RTN1: variants seen among roughly 807,000 people sequenced by gnomAD.
RTN1 encodes reticulon-1.
A neutral mutation model predicts 65.5 loss-of-function variants in RTN1; 25 were observed. That is an observed-to-expected ratio of 0.38 (90% CI 0.28 to 0.53). The LOEUF is 0.53. Among genes scored for constraint, RTN1 ranks in the 20% least tolerant of loss-of-function variants. The pLI is 0.79. For synonymous variants in RTN1, 471 were observed against 447.6 expected (o/e 1.05, Z -0.66); for missense variants, 983 against 1,025.4 (o/e 0.96, Z 0.57).
Position 59,749,162 on chromosome 14 carries a change from ATC to A in RTN1, c.242-2683_242-2682del, listed in dbSNP as rs1285928110. Among the ~76,000 whole-genome samples the A allele has an allele frequency of 3.2e-4, 30 of 94,310 alleles. 5 individuals are homozygous for A. Among genetic ancestry groups the A allele is most frequent in the African/African-American group, 1.1e-3 (21 of 18,366 alleles). 61.9% of individuals were successfully genotyped at this position (94,310 alleles called of 152,430 possible). A position where few individuals can be genotyped will look rare whatever the true frequency, so the allele number is the denominator to read the frequency against. ...TCTATCTATCTATCTATCTATATCT[ATC>A]TATATATCTATCTATATATCTATCT... On this transcript the variant is annotated intron_variant, in intron 1 of 8. Transcript: ENST00000267484.
At chr14:59,748,210 G>GTTTGT (rs1555358550) in intron 1 of RTN1, among the ~76,000 whole-genome samples, 2 of 125,988 alleles carry the variant, frequency 1.6e-5, no homozygotes, top group Admixed American at 8.6e-5. Flanking sequence ...AGTCTGTGAG[G>GTTTGT]TTTTTTTTTT....
intron 2 of RTN1, among the ~76,000 whole-genome samples, chr14:59,736,472 C>G (rs1885004609): frequency 2.0e-5 from 3 of 152,020 alleles, no homozygotes; most frequent in Admixed American, 1.3e-4. Flanking sequence ...AAGACTCAAC[C>G]AGGAAGAAAC....
At chr14:59,715,801 G>A (rs1320465624) in intron 3 of RTN1, among the ~76,000 whole-genome samples, 1 of 150,414 alleles carries the variant, frequency 6.6e-6, no homozygotes, top group Non-Finnish European at 1.5e-5. Flanking sequence ...ACTCCAGCCT[G>A]GGCAACAGAG....
intron 3 of RTN1, among the ~76,000 whole-genome samples, chr14:59,715,778 A>G (rs527567860): frequency 1.3e-5 from 2 of 151,854 alleles, no homozygotes; most frequent in African/African-American, 4.8e-5. Flanking sequence ...GTGAGCCGAC[A>G]TCGCACCACT....
chr14:59,857,101 T>G (rs1887622111), intron 1 of RTN1, among the ~76,000 whole-genome samples: 1 of 152,204 alleles, frequency 6.6e-6, no homozygotes, highest in Non-Finnish European at 1.5e-5. Context: ...TAGGAGTACC[T>G]GTATTTACCA....
intron 3 of RTN1, among the ~76,000 whole-genome samples, chr14:59,695,101 A>C (rs1355329038): frequency 6.6e-6 from 1 of 152,146 alleles, no homozygotes; most frequent in Non-Finnish European, 1.5e-5. Flanking sequence ...GGGTGGAGAA[A>C]GGTTCCCAGA....
chr14:59,795,324 A>G (rs2139593794), intron 1 of RTN1, among the ~76,000 whole-genome samples: 1 of 152,320 alleles, frequency 6.6e-6, no homozygotes, highest in Admixed American at 6.5e-5. Context: ...TTTTTTAACA[A>G]TTTCAAAATA....
intron 1 of RTN1, among the ~76,000 whole-genome samples, chr14:59,867,299 A>C (rs1594773471): frequency 6.6e-6 from 1 of 152,236 alleles, no homozygotes; most frequent in East Asian, 1.9e-4. Context: ...TGCTCTTAAC[A>C]TTCTTTGTAT....
intron 1 of RTN1, among the ~76,000 whole-genome samples, chr14:59,769,998 C>T (rs1363763799): frequency 6.6e-6 from 1 of 152,172 alleles, no homozygotes; most frequent in African/African-American, 2.4e-5. Flanking sequence ...GGAAGTCTGA[C>T]TCTGAAGAAA....
At chr14:59,832,142 C>T (rs1887135406) in intron 1 of RTN1, among the ~76,000 whole-genome samples, 1 of 151,880 alleles carries the variant, frequency 6.6e-6, no homozygotes, top group African/African-American at 2.4e-5. Context: ...GGATATGGAC[C>T]AAAAAAATGA....
intron 2 of RTN1, among the ~76,000 whole-genome samples, chr14:59,735,311 A>G (rs187290228): frequency 2.6e-5 from 4 of 152,364 alleles, no homozygotes; most frequent in Non-Finnish European, 4.4e-5. Flanking sequence ...CAGTGACACT[A>G]TGAAGCAACC....
At chr14:59,760,661 T>G (rs1885729919) in intron 1 of RTN1, among the ~76,000 whole-genome samples, 1 of 152,244 alleles carries the variant, frequency 6.6e-6, no homozygotes. Flanking sequence ...TTCTCATCTT[T>G]CAGGTTAGAA....
intron 8 of RTN1, among the ~76,000 whole-genome samples, chr14:59,602,459 A>G (rs1048091970): frequency 1.3e-5 from 2 of 152,156 alleles, no homozygotes; most frequent in Admixed American, 1.3e-4. Context: ...AGCTATGGGT[A>G]TGTAAAACTG....
rs1189735390 is a variant in RTN1 at position 59,849,037 on chromosome 14, C to A, written c.241+21353G>T. On this transcript the variant is annotated intron_variant, in intron 1 of 8. Coordinates refer to ENST00000267484, the MANE Select transcript of RTN1 (RefSeq NM_021136.3). The surrounding 1 kb of genome is among the most constrained non-coding windows in gnomAD (Gnocchi z 4.5). Reference sequence around the variant, plus strand: ...TTGAACCCCAATATCTCATCCCCCTCATCAACTTAGCAGGAAGTTGCTGGA... The same window carrying A: ...TTGAACCCCAATATCTCATCCCCCTAATCAACTTAGCAGGAAGTTGCTGGA... Among the ~76,000 whole-genome samples, 2 of 152,150 alleles carry A rather than the reference C, an allele frequency of 1.3e-5. No individual in the cohort carries two copies. The highest frequency in any genetic ancestry group is 2.9e-5 in the Non-Finnish European group (2 of 68,036).
intron 3 of RTN1, among the ~76,000 whole-genome samples, chr14:59,633,946 C>T (rs1489521455): frequency 6.6e-6 from 1 of 152,168 alleles, no homozygotes; most frequent in African/African-American, 2.4e-5. Context: ...ATTTATTCAA[C>T]AAATATTTAT....
chr14:59,834,729 T>C (rs746410458), intron 1 of RTN1, among the ~76,000 whole-genome samples: 71 of 152,138 alleles, frequency 4.7e-4, no homozygotes, highest in Non-Finnish European at 8.7e-4. Context: ...ATTTGTTGCA[T>C]AGAAAAAGCA....
chr14:59,834,069 G>C (rs1301007314), intron 1 of RTN1, among the ~76,000 whole-genome samples: 4 of 151,872 alleles, frequency 2.6e-5, no homozygotes, highest in Non-Finnish European at 5.9e-5. Context: ...GAACATAAAT[G>C]GACAACTGAT....
At chr14:59,720,232 A>T (rs1594698338) in intron 3 of RTN1, among the ~76,000 whole-genome samples, 1 of 146,516 alleles carries the variant, frequency 6.8e-6, no homozygotes, top group Non-Finnish European at 1.5e-5. Context: ...AAACCCCACC[A>T]CTCAGTGAAG....
intron 3 of RTN1, among the ~76,000 whole-genome samples, chr14:59,721,523 A>G (rs1322823854): frequency 1.7e-4 from 26 of 152,230 alleles, no homozygotes; most frequent in Admixed American, 1.7e-3. Context: ...TGCCCCAGCC[A>G]GTTCTCATTC....
Sources: gnomAD v4.1 joint callset for allele counts (sites outside exome capture counted in the v4.1 genomes callset) on GRCh38, gnomAD v4.1.1 for gene constraint, Gnocchi (gnomAD v3.1) non-coding constraint, MANE v1.5 for transcripts, NCBI Gene and HGNC (gene_info 2026-07-23, HGNC 2026-07-21) for gene names.